EPHB1: variants seen among roughly 807,000 people sequenced by gnomAD.
The protein encoded by EPHB1 is EPH receptor B1.
EPHB1 carries 30 observed loss-of-function variants against 94.4 expected under a neutral mutation model. The ratio of observed to expected loss-of-function variants is 0.32; its 90% CI spans 0.24 to 0.43. EPHB1 has a LOEUF of 0.43. Among genes scored for constraint, EPHB1 ranks in the 20% least tolerant of loss-of-function variants. The pLI is 1.00. For synonymous variants in EPHB1, 522 were observed against 489.1 expected, an observed-to-expected ratio of 1.07 and a Z score of -0.89; for missense variants, 1,055 against 1,308.3, an observed-to-expected ratio of 0.81 and a Z score of 2.99.
At position 135,166,924 on chromosome 3, in the gene EPHB1, CCCT is replaced by C; in HGVS notation, c.1695-16_1695-14del. On this transcript the variant is annotated splice_polypyrimidine_tract_variant and intron_variant, in intron 8 of 15. Transcript: ENST00000398015. ...GGGTGTGCCCTGTGGCTGAGAGAGC[CCCT>C]CTTTTTATCCACAGGAAACGGGCTT... 6.2e-7 allele frequency: 1 copy of C among 1,613,706 alleles called. No homozygotes were observed.
intron 5 of EPHB1, among the ~76,000 whole-genome samples, chr3:135,135,676 G>A (rs1940595761): frequency 6.6e-6 from 1 of 152,164 alleles, no homozygotes; most frequent in Non-Finnish European, 1.5e-5. Flanking sequence ...TTCATGGTAT[G>A]GTATGACCCC....
intron 2 of EPHB1, among the ~76,000 whole-genome samples, chr3:134,942,141 A>G (rs549516679): frequency 3.9e-5 from 6 of 152,338 alleles, no homozygotes; most frequent in East Asian, 1.9e-4. Context: ...CACCTGCAGT[A>G]AAGAAGGGAG....
intron 3 of EPHB1, among the ~76,000 whole-genome samples, chr3:134,981,707 G>A (rs1006555257): frequency 5.3e-5 from 8 of 152,144 alleles, no homozygotes; most frequent in Non-Finnish European, 1.0e-4. Context: ...AATGTTTAGT[G>A]AGTACCCACC....
intron 3 of EPHB1, among the ~76,000 whole-genome samples, chr3:134,970,458 C>G (rs1046335338): frequency 6.6e-6 from 1 of 152,178 alleles, no homozygotes; most frequent in African/African-American, 2.4e-5. Context: ...CTTCAACAGC[C>G]TCCCATCTCC....
rs530094028 is a variant in EPHB1, at chr3:134,989,184, A to G, written c.805+37132A>G. Among the ~76,000 whole-genome samples, 8 of 152,318 alleles carry G rather than the reference A, an allele frequency of 5.3e-5. No homozygotes were observed. The South Asian group carries it at 1.7e-3, about 32-fold the overall frequency. On this transcript the variant is annotated intron_variant, in intron 3 of 15. Transcript: ENST00000398015. ...TGAAGCAGGATCACAGGTGACATAAATCAGAAAGGCTCTGAATATTTGATT... is the reference window on the plus strand; with the variant it reads ...TGAAGCAGGATCACAGGTGACATAAGTCAGAAAGGCTCTGAATATTTGATT...
At chr3:135,231,181 G>C (rs1943522424) in intron 12 of EPHB1, among the ~76,000 whole-genome samples, 1 of 152,194 alleles carries the variant, frequency 6.6e-6, no homozygotes, top group African/African-American at 2.4e-5. Context: ...AAGGCAGCTA[G>C]TTAATTATTT....
rs556939444 is a variant in EPHB1, at chr3:134,859,269, C to T, written c.58+63580C>T. On this transcript the variant is annotated intron_variant, in intron 1 of 15. Coordinates refer to ENST00000398015, the MANE Select transcript of EPHB1 (RefSeq NM_004441.5). ...TTCGATCTCATTGTTTGATGGTGACCGACCGGCAGAGAAGAGTTCCTTGCA... is the reference window on the plus strand; with the variant it reads ...TTCGATCTCATTGTTTGATGGTGACTGACCGGCAGAGAAGAGTTCCTTGCA... Among the ~76,000 whole-genome samples the T allele has an allele frequency of 7.2e-5, 11 of 152,218 alleles. No homozygotes were observed. In the South Asian group the frequency reaches 1.0e-3, roughly 14 times the overall value.
At chr3:134,854,167 G>A (rs116814644) in intron 1 of EPHB1, among the ~76,000 whole-genome samples, 2,179 of 152,242 alleles carry the variant, frequency 0.014, 55 homozygotes, top group African/African-American at 0.05. Context: ...GTAATTGTGC[G>A]ATAGGAGAGC....
chr3:135,169,941 C>T (rs1318090385), intron 9 of EPHB1, among the ~76,000 whole-genome samples: 4 of 152,210 alleles, frequency 2.6e-5, no homozygotes, highest in Non-Finnish European at 4.4e-5. Flanking sequence ...TTTTGTGGCT[C>T]CCCACTCTGA....
rs1208144390 is a variant in EPHB1 at position 135,002,609 on chromosome 3, G to A, written c.805+50557G>A. Among the ~76,000 whole-genome samples the A allele has an allele frequency of 2.0e-5, 3 of 151,928 alleles. No homozygotes were observed. The East Asian group carries it at 5.8e-4, about 29-fold the overall frequency. Reference sequence around the variant, plus strand: ...GTCCTGGACTCTTTTTGGTTGGTAAGCTATTGATTATTGCCACAACTTCAG... The same window carrying A: ...GTCCTGGACTCTTTTTGGTTGGTAAACTATTGATTATTGCCACAACTTCAG... On this transcript the variant is annotated intron_variant, in intron 3 of 15. Transcript: ENST00000398015.
chr3:135,248,557 CA>C (rs1204540300), intron 14 of EPHB1, 48 bp downstream of exon 14: 10 of 1,501,434 alleles, frequency 6.7e-6, no homozygotes, highest in Middle Eastern at 1.7e-4. Context: ...GTTTCATGGT[CA>C]GGGGCATAGC....
At position 135,162,093 on chromosome 3, in the gene EPHB1, A is replaced by G; in HGVS notation, c.1498A>G (p.Met500Val). 6.2e-7 allele frequency: 1 copy of G among 1,613,578 alleles called. No homozygotes were observed. The highest frequency in any genetic ancestry group is 2.2e-5 in the East Asian group (1 of 44,850). Residue 500 changes from methionine (M) to valine (V), a missense_variant, in exon 7 of 16, where the codon ATG becomes GTG. Met to Val is a conservative substitution (Grantham distance 21, BLOSUM62 1). Coordinates refer to ENST00000398015, the MANE Select transcript of EPHB1 (RefSeq NM_004441.5). Reference sequence around the variant, plus strand: ...AAGGATTGATGGGCTGCGGCCTGGCATGGTATATGTGGTACAGGTGCGTGC... The same window carrying G: ...AAGGATTGATGGGCTGCGGCCTGGCGTGGTATATGTGGTACAGGTGCGTGC... ...TARIDGLRPGMVYVVQVRART... is the reference protein window; with the variant it reads ...TARIDGLRPGVVYVVQVRART...
intron 1 of EPHB1, among the ~76,000 whole-genome samples, chr3:134,881,303 G>A (rs2037726041): frequency 6.6e-6 from 1 of 152,118 alleles, no homozygotes; most frequent in Non-Finnish European, 1.5e-5. Context: ...CATATATGTT[G>A]CAGTATGTTG....
At chr3:135,075,270 G>T (rs1472191721) in intron 3 of EPHB1, among the ~76,000 whole-genome samples, 1 of 152,146 alleles carries the variant, frequency 6.6e-6, no homozygotes, top group African/African-American at 2.4e-5. Flanking sequence ...GCCCATCTGA[G>T]AATTCAGACA....
intron 12 of EPHB1, among the ~76,000 whole-genome samples, chr3:135,235,823 A>C (rs1319205557): frequency 6.6e-6 from 1 of 152,172 alleles, no homozygotes; most frequent in Non-Finnish European, 1.5e-5. Flanking sequence ...GACAAAGGGC[A>C]GTGCTTCAAG....
rs148313728 is a variant in EPHB1, at chr3:135,260,308, G to A, written c.*1188G>A. ...CGAGGAATGTTTCAAATGTGTCTGT[G>A]TTTCTCTTTACATTCCTTGTTGTAC... On this transcript the variant is annotated 3_prime_UTR_variant, in exon 16 of 16. Coordinates refer to ENST00000398015, the MANE Select transcript of EPHB1 (RefSeq NM_004441.5). 2.1e-4 allele frequency: 49 copies of A among 232,884 alleles called. No homozygotes were observed. Among genetic ancestry groups the A allele is most frequent in the South Asian group, 5.4e-4 (3 of 5,516 alleles). The allele number at this position is 232,884 out of a possible 1,614,324, so 14.4% of individuals were successfully genotyped here.
intron 9 of EPHB1, 30 bp from the exon 10 acceptor site, chr3:135,179,830 A>T (rs376719661): frequency 3.1e-6 from 5 of 1,612,650 alleles, no homozygotes; most frequent in Middle Eastern, 3.3e-4. Flanking sequence ...CCTCTTTGGG[A>T]TGTTAACCCT....
At chr3:134,866,065 T>C (rs1371926729) in intron 1 of EPHB1, among the ~76,000 whole-genome samples, 1 of 152,182 alleles carries the variant, frequency 6.6e-6, no homozygotes, top group African/African-American at 2.4e-5. Flanking sequence ...GGCAGCCCCA[T>C]GCCAGAGTGA....
chr3:135,080,170 G>A (rs750330092), intron 3 of EPHB1, among the ~76,000 whole-genome samples: 2 of 152,188 alleles, frequency 1.3e-5, no homozygotes. Context: ...AGGGAGAAAG[G>A]GGAGAGAGGA....
Sources: gnomAD v4.1 joint callset for allele counts (sites outside exome capture counted in the v4.1 genomes callset) on GRCh38, gnomAD v4.1.1 for gene constraint, MANE v1.5 for transcripts, NCBI Gene and HGNC (gene_info 2026-07-23, HGNC 2026-07-21) for gene names.